Variants in SLC15A4 observed in about 807,000 individuals in gnomAD.
SLC15A4 encodes solute carrier family 15 member 4.
SLC15A4 carries 26 observed loss-of-function variants against 46.1 expected under a neutral mutation model. The ratio of observed to expected loss-of-function variants is 0.56; its 90% CI spans 0.41 to 0.78. SLC15A4 has a LOEUF of 0.78. SLC15A4 is among the 30% of genes least tolerant of loss of function. The pLI is 0.00. For missense variants in SLC15A4, 751 were observed against 755.7 expected, an observed-to-expected ratio of 0.99 and a Z score of 0.07; for synonymous variants, 370 against 333.4, an observed-to-expected ratio of 1.11 and a Z score of -1.20.
In SLC15A4 at chr12:128,809,376, A is replaced by G. The variant is rs1004320148; in HGVS notation, c.1089+20T>C. 1 of 1,503,992 alleles carries G rather than the reference A, an allele frequency of 6.6e-7. No homozygotes were observed. The allele number at this position is 1,503,992 out of a possible 1,614,324, so 93.2% of individuals were successfully genotyped here. A position where few individuals can be genotyped will look rare whatever the true frequency, so the allele number is the denominator to read the frequency against. On this transcript the variant is annotated intron_variant, in intron 4 of 7. Transcript: ENST00000266771. ...ATAAGTCCAAAATAACAATGTTCAG[A>G]TCATTACAATTGTTCTTACCGTGTG...
intron 1 of SLC15A4, among the ~76,000 whole-genome samples, chr12:128,820,411 C>A (rs891050531): frequency 2.0e-5 from 3 of 152,186 alleles, no homozygotes; most frequent in African/African-American, 4.8e-5. Flanking sequence ...GTAAAGCATA[C>A]GCCACTGTAC....
chr12:128,808,674 T>C lies in SLC15A4; in HGVS notation c.1258+114A>G, dbSNP rs1032642434. Reference sequence around the variant, plus strand: ...AAAATAACTGATACACATCCTCTTTTACAGACATGCACTTCCTGAACAACC... The same window carrying C: ...AAAATAACTGATACACATCCTCTTTCACAGACATGCACTTCCTGAACAACC... On this transcript the variant is annotated intron_variant, in intron 5 of 7. Coordinates refer to ENST00000266771, the MANE Select transcript of SLC15A4 (RefSeq NM_145648.4). 10 of 965,378 alleles carry C rather than the reference T, an allele frequency of 1.0e-5. No homozygotes were observed. In the African/African-American group the frequency reaches 1.6e-4, roughly 16 times the overall value. The allele number at this position is 965,378 out of a possible 1,614,324, so 59.8% of individuals were successfully genotyped here. A position where few individuals can be genotyped will look rare whatever the true frequency, so the allele number is the denominator to read the frequency against.
In SLC15A4 at chr12:128,799,398, T is replaced by C. The variant is rs745800168; in HGVS notation, c.1434A>G (p.Ser478=). The C allele has an allele frequency of 3.7e-6, 6 of 1,614,080 alleles. No individual in the cohort carries two copies. Among genetic ancestry groups the C allele is most frequent in the Non-Finnish European group, 5.1e-6 (6 of 1,180,024 alleles). The stretch of plus-strand genomic sequence containing the variant: ...CACTCTGCATGGACTTGGGGGCAGC[T>C]GAGTATGCAAATTCCAGGCCTGAGG... ...ASIAGLEFAY[S]AAPKSMQSAI... The change falls in exon 7 of 8, where the codon TCA becomes TCG. Residue 478 remains serine, a synonymous_variant. Coordinates refer to ENST00000266771, the MANE Select transcript of SLC15A4 (RefSeq NM_145648.4).
In SLC15A4 at chr12:128,823,787, C is replaced by T; in HGVS notation, c.157G>A (p.Gly53Ser). 6 of 1,510,344 alleles carry T rather than the reference C, an allele frequency of 4.0e-6. No homozygotes were observed. The highest frequency in any genetic ancestry group is 5.3e-6 in the Non-Finnish European group (6 of 1,135,828). 93.6% of individuals were successfully genotyped at this position (1,510,344 alleles called of 1,614,324 possible). ...AATAGCACCAGGTTGGACGTGATGC[C>T]GTAGAAAGCGGCGCGCTCCAGCAGC... ...TELLERAAFY[G>S]ITSNLVLFLN... Residue 53 changes from glycine to serine, a missense_variant, in exon 1 of 8, where the codon GGC (glycine) becomes AGC (serine). Physicochemically the swap from Gly to Ser is moderately conservative, Grantham distance 56. Coordinates refer to ENST00000266771, the MANE Select transcript of SLC15A4 (RefSeq NM_145648.4).
intron 5 of SLC15A4, among the ~76,000 whole-genome samples, chr12:128,806,516 AGACCATTAATGTCTCTAAATAAT>A (rs1955591577): frequency 6.6e-6 from 1 of 152,206 alleles, no homozygotes; most frequent in Non-Finnish European, 1.5e-5. Flanking sequence ...CTCTACTCAA[AGACCATTAATGTCTCTAAATAAT>A]ACTCACTAGA....
intron 1 of SLC15A4, among the ~76,000 whole-genome samples, chr12:128,820,215 T>G (rs935740792): frequency 1.6e-4 from 24 of 152,110 alleles, no homozygotes; most frequent in African/African-American, 5.8e-4. Context: ...TGCAGAACCA[T>G]TACGGAACGC....
chr12:128,800,216 A>G (rs915890319), intron 6 of SLC15A4, among the ~76,000 whole-genome samples: 44 of 152,198 alleles, frequency 2.9e-4, no homozygotes, highest in African/African-American at 9.7e-4. Flanking sequence ...GGAGATTTGT[A>G]GTGTATTCTA....
In SLC15A4 at chr12:128,809,397, G is replaced by T; in HGVS notation, c.1088C>A (p.Thr363Lys). 6.3e-7 allele frequency: 1 copy of T among 1,585,112 alleles called. No individual in the cohort carries two copies. Among genetic ancestry groups the T allele is most frequent in the Non-Finnish European group, 8.6e-7 (1 of 1,157,170 alleles). ...TCAGATCATTACAATTGTTCTTACC[G>T]TGTGAGGAGTGGTTGTAATATTTGA... ...EISNITTTPH[T>K]LPAAWLTMFD... is the part of the protein sequence containing the mutation. The change falls in exon 4 of 8, where the codon ACG becomes AAG. Residue 363 changes from threonine to lysine, a missense_variant and splice_region_variant. Transcript: ENST00000266771.
chr12:128,806,902 C>CA (rs569757195), intron 5 of SLC15A4, among the ~76,000 whole-genome samples: 2 of 108,320 alleles, frequency 1.8e-5, no homozygotes, highest in South Asian at 7.6e-4. Flanking sequence ...TTTGCTAGCG[C>CA]TTTTTTTTTT....
At chr12:128,794,906 T>G (rs2135701162) in intron 7 of SLC15A4, among the ~76,000 whole-genome samples, 1 of 152,270 alleles carries the variant, frequency 6.6e-6, no homozygotes, top group East Asian at 1.9e-4. Context: ...TGTTAGCCGG[T>G]CTGGTGTTAT....
chr12:128,818,540 C>G (rs1955790038), intron 1 of SLC15A4, among the ~76,000 whole-genome samples: 1 of 152,238 alleles, frequency 6.6e-6, no homozygotes, highest in African/African-American at 2.4e-5. Flanking sequence ...CATGAAGCAG[C>G]CGCACCTGGA....
At position 128,823,461 on chromosome 12, in the gene SLC15A4, C is replaced by G. The variant is rs1262054993; in HGVS notation, c.483G>C (p.Leu161=). Residue 161 remains leucine, a synonymous_variant, in exon 1 of 8, where the codon CTG becomes CTC. Transcript: ENST00000266771. ...RCCSPATFAG[L]VLVGLGVATV... is the part of the protein sequence containing the mutation. Reference sequence around the variant, plus strand: ...TGGCCACGCCCAGGCCCACCAGCACCAGCCCCGCGAAGGTGGCCGGTGAGC... The same window carrying G: ...TGGCCACGCCCAGGCCCACCAGCACGAGCCCCGCGAAGGTGGCCGGTGAGC... 2 of 1,480,708 alleles carry G rather than the reference C, an allele frequency of 1.4e-6. No homozygotes were observed. The highest frequency in any genetic ancestry group is 4.6e-5 in the Admixed American group (2 of 43,938). The allele number at this position is 1,480,708 out of a possible 1,614,324, so 91.7% of individuals were successfully genotyped here. A position where few individuals can be genotyped will look rare whatever the true frequency, so the allele number is the denominator to read the frequency against.
chr12:128,801,341 A>G (rs965105687), intron 5 of SLC15A4: 2 of 190,690 alleles, frequency 1.0e-5, no homozygotes, highest in Admixed American at 1.1e-4. Flanking sequence ...GGAGTAGGAG[A>G]AAGTTAAAAA....
chr12:128,814,714 T>A, intron 2 of SLC15A4, 61 bp downstream of exon 2: 1 of 1,545,936 alleles, frequency 6.5e-7, no homozygotes, highest in Non-Finnish European at 8.8e-7. Flanking sequence ...GAAGCTAGGA[T>A]GTTAATAAAG....
intron 7 of SLC15A4, among the ~76,000 whole-genome samples, chr12:128,798,390 A>G (rs1490217611): frequency 6.6e-6 from 1 of 152,216 alleles, no homozygotes; most frequent in Non-Finnish European, 1.5e-5. Flanking sequence ...ACAAGTGTCC[A>G]TGGGACATTG....
intron 7 of SLC15A4, among the ~76,000 whole-genome samples, chr12:128,797,257 G>A (rs1052489630): frequency 2.0e-5 from 3 of 151,998 alleles, no homozygotes; most frequent in African/African-American, 7.3e-5. Context: ...TCGTACGAAG[G>A]AGCAGTACTC....
chr12:128,806,861 C>T (rs1195900194), intron 5 of SLC15A4, among the ~76,000 whole-genome samples: 2 of 149,650 alleles, frequency 1.3e-5, no homozygotes, highest in East Asian at 4.0e-4. Flanking sequence ...TGACTCCAGT[C>T]AGTACATACT....
chr12:128,793,785 A>AT lies in SLC15A4; in HGVS notation c.*410dup, dbSNP rs11370891. On this transcript the variant is annotated 3_prime_UTR_variant, in exon 8 of 8. Coordinates refer to ENST00000266771, the MANE Select transcript of SLC15A4 (RefSeq NM_145648.4). ...CTTAAATATAAGTAACAGTTTATTA[A>AT]TTTTTTTTTTACAGTGAGATATGGC... The AT allele has an allele frequency of 0.99, 148,919 of 150,328 alleles. 73,769 individuals carry two copies. The highest frequency in any genetic ancestry group is 1 in the East Asian group (5,119 of 5,144). The allele number at this position is 150,328 out of a possible 1,614,324, so 9.3% of individuals were successfully genotyped here. A position where few individuals can be genotyped will look rare whatever the true frequency, so the allele number is the denominator to read the frequency against.
intron 5 of SLC15A4, among the ~76,000 whole-genome samples, chr12:128,803,117 A>G (rs1241452845): frequency 9.4e-6 from 1 of 106,816 alleles, no homozygotes; most frequent in Admixed American, 8.5e-5. Context: ...TCAACACAGC[A>G]GTCAGGATAA....
Sources: allele counts gnomAD v4.1 joint callset (sites outside exome capture counted in the v4.1 genomes callset), GRCh38; gene constraint gnomAD v4.1.1; transcripts MANE v1.5; gene names NCBI Gene and HGNC (gene_info 2026-07-23, HGNC 2026-07-21).